ABR: variants seen among roughly 807,000 people sequenced by gnomAD.
ABR encodes the protein ABR activator of RhoGEF and GTPase.
Under a neutral mutation model 107.2 loss-of-function variants are expected in ABR, and 35 were observed. That is an observed-to-expected ratio of 0.33 (90% CI 0.25 to 0.43). The LOEUF is 0.43. Among genes scored for constraint, ABR ranks in the 20% least tolerant of loss-of-function variants. The pLI is 1.00. For missense variants in ABR, 815 were observed against 1,115.2 expected, an observed-to-expected ratio of 0.73 and a Z score of 3.83; for synonymous variants, 498 against 462.0, an observed-to-expected ratio of 1.08 and a Z score of -1.00.
At chr17:1,139,728 C>A (rs886404660) in intron 1 of ABR, among the ~76,000 whole-genome samples, 1 of 152,138 alleles carries the variant, frequency 6.6e-6, no homozygotes, top group Non-Finnish European at 1.5e-5. Context: ...AGGTGGGAAA[C>A]CAGATGGACA....
intron 1 of ABR, among the ~76,000 whole-genome samples, chr17:1,194,187 A>G (rs896157641): frequency 7.3e-5 from 11 of 151,208 alleles, no homozygotes; most frequent in East Asian, 2.0e-4. Flanking sequence ...TTATTTATTT[A>G]TATTTTGATT....
chr17:1,178,228 C>A (rs7222601), intron 1 of ABR, among the ~76,000 whole-genome samples: 1 of 151,224 alleles, frequency 6.6e-6, no homozygotes, highest in African/African-American at 2.4e-5. Context: ...TTCTCTACTC[C>A]CCCCACCCCC....
intron 5 of ABR, among the ~76,000 whole-genome samples, chr17:1,082,554 G>C (rs570258243): frequency 2.6e-5 from 4 of 152,140 alleles, no homozygotes; most frequent in African/African-American, 4.8e-5. Context: ...GCAGAAGCAC[G>C]CGTGTTCCCG....
chr17:1,162,610 C>G (rs796620983), intron 1 of ABR, among the ~76,000 whole-genome samples: 1 of 152,270 alleles, frequency 6.6e-6, no homozygotes, highest in South Asian at 2.1e-4. Flanking sequence ...TCCCCGCACT[C>G]CTCAGCCTGA....
At chr17:1,043,540 C>T (rs1056817191) in intron 16 of ABR, among the ~76,000 whole-genome samples, 3 of 151,364 alleles carry the variant, frequency 2.0e-5, no homozygotes, top group Non-Finnish European at 4.4e-5. Context: ...TTATTTTTTT[C>T]AGTGGAGATA....
rs140571517 is a variant in ABR at position 1,168,155 on chromosome 17, G to A, written c.61+11512C>T. 1.4e-4 allele frequency among the ~76,000 whole-genome samples: 21 copies of A among 152,202 alleles called. No individual in the cohort carries two copies. In the East Asian group the frequency reaches 3.3e-3, roughly 24 times the overall value. Reference sequence around the variant, plus strand: ...TACAAAATTAGCCGGGCATGGTGGCGCACACCTGTAATCCCAGCTACTCGG... The same window carrying A: ...TACAAAATTAGCCGGGCATGGTGGCACACACCTGTAATCCCAGCTACTCGG... On this transcript the variant is annotated intron_variant, in intron 1 of 22. Transcript: ENST00000302538.
chr17:1,131,135 CT>C lies in ABR; in HGVS notation c.62-5769del, dbSNP rs1235294467. On this transcript the variant is annotated intron_variant, in intron 1 of 22. Transcript: ENST00000302538. ...TGCCTGCCACGCGCACAGCTCCCCCCTCTTTGCACACCAAATGCAGTGCCTG... is the reference window on the plus strand; with the variant it reads ...TGCCTGCCACGCGCACAGCTCCCCCCCTTTGCACACCAAATGCAGTGCCTG... Among the ~76,000 whole-genome samples the C allele has an allele frequency of 1.3e-3, 167 of 124,480 alleles. 1 individual carries two copies. Among genetic ancestry groups the C allele is most frequent in the Admixed American group, 0.01 (129 of 12,646 alleles). The allele number at this position is 124,480 out of a possible 152,430, so 81.7% of individuals were successfully genotyped here.
At chr17:1,019,829 G>A (rs375727627) in intron 16 of ABR, among the ~76,000 whole-genome samples, 76 of 152,378 alleles carry the variant, frequency 5.0e-4, no homozygotes, top group African/African-American at 1.4e-3. Flanking sequence ...GCAGACAGGT[G>A]CCTTCCATGG....
chr17:1,225,514 T>C (rs931952131), intron 1 of ABR, among the ~76,000 whole-genome samples: 1 of 151,936 alleles, frequency 6.6e-6, no homozygotes, highest in Non-Finnish European at 1.5e-5. Flanking sequence ...TAGCCAGGCG[T>C]AGTGGCACAC....
intron 1 of ABR, chr17:1,125,637 G>GT (rs1329563233): frequency 5.6e-6 from 2 of 355,788 alleles, no homozygotes; most frequent in Non-Finnish European, 1.0e-5. Flanking sequence ...TGTCAGCCGC[G>GT]TATTTCAAGC....
intron 2 of ABR, among the ~76,000 whole-genome samples, chr17:1,104,365 G>C (rs2038105021): frequency 6.6e-6 from 1 of 152,162 alleles, no homozygotes; most frequent in South Asian, 2.1e-4. Flanking sequence ...GCTAAATAAA[G>C]CCTCCAAACA....
chr17:1,035,219 T>A (rs2073075084), intron 16 of ABR, among the ~76,000 whole-genome samples: 2 of 151,580 alleles, frequency 1.3e-5, no homozygotes, highest in Non-Finnish European at 2.9e-5. Context: ...GTCTGAATTC[T>A]AGTCGCTGCA....
At chr17:1,019,883 C>T (rs984957339) in intron 16 of ABR, among the ~76,000 whole-genome samples, 5 of 152,152 alleles carry the variant, frequency 3.3e-5, no homozygotes, top group Non-Finnish European at 7.4e-5. Context: ...TCACCTGAAG[C>T]AGGGAGACAG....
intron 1 of ABR, among the ~76,000 whole-genome samples, chr17:1,177,405 A>T (rs867121080): frequency 6.6e-6 from 1 of 152,152 alleles, no homozygotes; most frequent in East Asian, 1.9e-4. Flanking sequence ...GGAGCCGCCC[A>T]GAGGCCAGGG....
intron 4 of ABR, among the ~76,000 whole-genome samples, chr17:1,086,857 C>G (rs1334564329): frequency 1.3e-5 from 2 of 152,122 alleles, no homozygotes; most frequent in Non-Finnish European, 2.9e-5. Context: ...ACCTATAGCC[C>G]TCGCTACTTG....
At chr17:1,136,497 G>A (rs1214122689) in intron 1 of ABR, among the ~76,000 whole-genome samples, 1 of 152,168 alleles carries the variant, frequency 6.6e-6, no homozygotes, top group Admixed American at 6.5e-5. Flanking sequence ...CCACAGTGCT[G>A]GGATTACAGG....
chr17:1,070,778 C>T lies in ABR; in HGVS notation c.895-688G>A, dbSNP rs927916744. On this transcript the variant is annotated intron_variant, in intron 8 of 22. Transcript: ENST00000302538. This position sits in a 1 kb window ranked among gnomAD's most constrained non-coding sequence, Gnocchi z 4.2. Reference sequence around the variant, plus strand: ...CAACCCCCGCTCAGAGCCGGGGGGTCGTCCCCATCTGTGCCAGCCTTTCCT... The same window carrying T: ...CAACCCCCGCTCAGAGCCGGGGGGTTGTCCCCATCTGTGCCAGCCTTTCCT... 1.2e-4 allele frequency among the ~76,000 whole-genome samples: 18 copies of T among 152,166 alleles called. No individual in the cohort carries two copies. The highest frequency in any genetic ancestry group is 2.1e-4 in the Non-Finnish European group (14 of 68,034).
At chr17:1,222,259 T>G (rs1236677914) in intron 1 of ABR, among the ~76,000 whole-genome samples, 3 of 152,074 alleles carry the variant, frequency 2.0e-5, no homozygotes, top group Admixed American at 1.3e-4. Flanking sequence ...GAGACGGGGT[T>G]TCACCATGTT....
chr17:1,215,246 C>CTCTCCCTCTCCCTCTCTCCCCACAG (rs2042976435), intron 1 of ABR, among the ~76,000 whole-genome samples: 2 of 150,790 alleles, frequency 1.3e-5, no homozygotes, highest in Admixed American at 1.3e-4. Flanking sequence ...AAAGAAAGAG[C>CTCTCCCTCTCCCTCTCTCCCCACAG]TCTCCCTCTC....
Sources: gnomAD v4.1 joint callset for allele counts (sites outside exome capture counted in the v4.1 genomes callset) on GRCh38, gnomAD v4.1.1 for gene constraint, Gnocchi (gnomAD v3.1) non-coding constraint, MANE v1.5 for transcripts, NCBI Gene and HGNC (gene_info 2026-07-23, HGNC 2026-07-21) for gene names.